The following LIMK2 variants were observed in gnomAD, a reference collection of about 807,000 sequenced individuals.
LIMK2 encodes the protein LIM domain kinase 2.
In LIMK2, 35 loss-of-function variants were observed where a neutral mutation model predicts 75.7. The observed-to-expected ratio is 0.46, with a 90% CI of 0.35 to 0.61. The LOEUF (loss-of-function observed/expected upper bound fraction) is 0.61, where lower values mean the gene tolerates loss of function less well. Ranked by LOEUF, LIMK2 falls within the 20% of genes least tolerant of loss-of-function variation. The pLI, the probability that LIMK2 is intolerant of heterozygous loss-of-function variation, is 0.00. For missense variants in LIMK2, 623 were observed against 831.0 expected, an observed-to-expected ratio of 0.75 and a Z score of 3.08; for synonymous variants, 301 against 319.2, an observed-to-expected ratio of 0.94 and a Z score of 0.61.
Position 31,262,074 on chromosome 22 carries a change from G to T in LIMK2, c.552-60G>T. The T allele has an allele frequency of 7.2e-7, 1 of 1,393,492 alleles. No individual in the cohort carries two copies. Among genetic ancestry groups the T allele is most frequent in the Non-Finnish European group, 1.0e-6 (1 of 979,660 alleles). The allele number at this position is 1,393,492 out of a possible 1,614,324, so 86.3% of individuals were successfully genotyped here. On this transcript the variant is annotated intron_variant, in intron 5 of 15. Coordinates refer to ENST00000331728, the MANE Select transcript of LIMK2 (RefSeq NM_005569.4). This position sits in a 1 kb window ranked among gnomAD's most constrained non-coding sequence, Gnocchi z 5.0. ...CTGGTAAACCTTCCCTGCACAAGCA[G>T]AATTGGTCAAGCAGGTTTTTAGGAC...
intron 14 of LIMK2, among the ~76,000 whole-genome samples, chr22:31,273,864 A>T (rs2048984344): frequency 1.3e-5 from 2 of 151,972 alleles, no homozygotes; most frequent in African/African-American, 4.8e-5. Flanking sequence ...TGCCCGGCTA[A>T]TTTTTGTATT....
intron 11 of LIMK2, 111 bp from the exon 12 acceptor site, chr22:31,271,025 T>G: frequency 1.1e-6 from 1 of 949,712 alleles, no homozygotes; most frequent in Non-Finnish European, 1.7e-6. Flanking sequence ...GGTTGGGTTC[T>G]GAAGCTGGGT....
rs151244816 is a variant in LIMK2 at position 31,262,723 on chromosome 22, C to T, written c.786C>T (p.His262=). The change falls in exon 7 of 16, where the codon CAC becomes CAT. Residue 262 remains histidine, a synonymous_variant. Transcript: ENST00000331728. This position sits in a 1 kb window ranked among gnomAD's most constrained non-coding sequence, Gnocchi z 5.0. ...RLAPHMQNAG[H]PHALSTLDTK... Reference sequence around the variant, plus strand: ...CTCCTCACATGCAGAATGCCGGACACCCCCACGCCCTCAGCACCCTGGACA... The same window carrying T: ...CTCCTCACATGCAGAATGCCGGACATCCCCACGCCCTCAGCACCCTGGACA... 2.4e-5 allele frequency: 39 copies of T among 1,614,162 alleles called. No individual in the cohort carries two copies. Among genetic ancestry groups the T allele is most frequent in the Non-Finnish European group, 3.2e-5 (38 of 1,180,018 alleles).
chr22:31,268,083 G>T lies in LIMK2; in HGVS notation c.1261-61G>T, dbSNP rs534492524. 15 of 1,562,082 alleles carry T rather than the reference G, an allele frequency of 9.6e-6. No individual in the cohort carries two copies. In the African/African-American group the frequency reaches 1.8e-4, roughly 18 times the overall value. On this transcript the variant is annotated intron_variant, in intron 10 of 15. Coordinates refer to ENST00000331728, the MANE Select transcript of LIMK2 (RefSeq NM_005569.4). ...ACTGGGAGACCACATTGACCCATGG[G>T]GCCTGGACCACGAGTGGGACAGGGC...
At chr22:31,274,642 C>T (rs5753534) in intron 14 of LIMK2, among the ~76,000 whole-genome samples, 1 of 152,126 alleles carries the variant, frequency 6.6e-6, no homozygotes, top group African/African-American at 2.4e-5. Flanking sequence ...CTCAGGTGAT[C>T]CACCCGCTTC....
At position 31,243,163 on chromosome 22, in the gene LIMK2, C is replaced by T. The variant is rs1159285549; in HGVS notation, c.117-15128C>T. On this transcript the variant is annotated intron_variant, in intron 2 of 15. Transcript: ENST00000331728. ...TCACGAACACTTGACCTCAAGTGAT[C>T]TGCCTGCCTCAGCCTCCCAAAGTGC... Among the ~76,000 whole-genome samples the T allele has an allele frequency of 2.6e-5, 4 of 152,290 alleles. No individual in the cohort carries two copies. In the East Asian group the frequency reaches 5.8e-4, roughly 22 times the overall value.
chr22:31,248,465 C>T lies in LIMK2; in HGVS notation c.117-9826C>T, dbSNP rs1272482690. ...GTCGTTTTCTCGGAGTCCAGAGGGG[C>T]CGCCTGAGCTTCTGAGAACTAGGGA... On this transcript the variant is annotated intron_variant, in intron 2 of 15. Transcript: ENST00000331728. 2.7e-6 allele frequency: 4 copies of T among 1,495,494 alleles called. No homozygotes were observed. The Admixed American group carries it at 8.0e-5, about 30-fold the overall frequency. The allele number at this position is 1,495,494 out of a possible 1,614,324, so 92.6% of individuals were successfully genotyped here. A position where few individuals can be genotyped will look rare whatever the true frequency, so the allele number is the denominator to read the frequency against.
chr22:31,218,327 A>G (rs570810456), intron 1 of LIMK2, among the ~76,000 whole-genome samples: 62 of 152,318 alleles, frequency 4.1e-4, no homozygotes, highest in African/African-American at 1.4e-3. Context: ...AAATTTTTCC[A>G]AATAAACCAA....
At position 31,219,025 on chromosome 22, in the gene LIMK2, A is replaced by G. The variant is rs553010077; in HGVS notation, c.16+6601A>G. 3.9e-5 allele frequency among the ~76,000 whole-genome samples: 6 copies of G among 152,340 alleles called. No individual in the cohort carries two copies. The South Asian group carries it at 1.2e-3, about 32-fold the overall frequency. On this transcript the variant is annotated intron_variant, in intron 1 of 15. Coordinates refer to ENST00000331728, the MANE Select transcript of LIMK2 (RefSeq NM_005569.4). ...CTCTTAGACCAAATTTAAGGTGAAC[A>G]TTGTGGGGACTGCATTGGCTCTGAG...
chr22:31,242,615 G>A (rs1004679690), intron 2 of LIMK2, among the ~76,000 whole-genome samples: 2 of 152,050 alleles, frequency 1.3e-5, no homozygotes, highest in Admixed American at 1.3e-4. Context: ...CATATGTCTT[G>A]GGCTTCCAAT....
chr22:31,257,040 A>ATTTTTTTTTTTTTTTTTTTTTTTTT (rs529919320), intron 2 of LIMK2, among the ~76,000 whole-genome samples: 3 of 75,078 alleles, frequency 4.0e-5, no homozygotes, highest in Non-Finnish European at 8.9e-5. Context: ...GGAGCTATAG[A>ATTTTTTTTTTTTTTTTTTTTTTTTT]TTTTTTTTTT....
intron 2 of LIMK2, among the ~76,000 whole-genome samples, chr22:31,256,719 G>A (rs1248621895): frequency 6.6e-6 from 1 of 152,178 alleles, no homozygotes; most frequent in African/African-American, 2.4e-5. Flanking sequence ...CTAGGCCAGA[G>A]AAGTAAAATA....
chr22:31,222,860 T>G (rs1368254160), intron 1 of LIMK2: 1 of 151,982 alleles, frequency 6.6e-6, no homozygotes, highest in Admixed American at 6.6e-5. Context: ...GTACCAGAGG[T>G]TTTTTTGATG....
intron 2 of LIMK2, among the ~76,000 whole-genome samples, chr22:31,256,077 C>T (rs1272302953): frequency 7.3e-6 from 1 of 136,728 alleles, no homozygotes; most frequent in Admixed American, 8.3e-5. Flanking sequence ...TGGGTCACCA[C>T]AACCTCCGCT....
At chr22:31,248,767 T>C in intron 2 of LIMK2, 1 of 1,614,192 alleles carries the variant, frequency 6.2e-7, no homozygotes, top group Non-Finnish European at 8.5e-7. Context: ...GAGACCTGTT[T>C]CGGTGAGTTG....
At chr22:31,265,792 G>A (rs1345440704) in intron 7 of LIMK2, among the ~76,000 whole-genome samples, 154 bp from the exon 8 acceptor site, 1 of 152,154 alleles carries the variant, frequency 6.6e-6, no homozygotes, top group Non-Finnish European at 1.5e-5. Flanking sequence ...ACCCCAAAAT[G>A]ATACATCTGA....
At chr22:31,230,457 G>A (rs1255707507) in intron 2 of LIMK2, among the ~76,000 whole-genome samples, 1 of 152,178 alleles carries the variant, frequency 6.6e-6, no homozygotes, top group African/African-American at 2.4e-5. Flanking sequence ...GGCTTAGGAG[G>A]AGGGAAGAAA....
At chr22:31,236,140 A>G (rs955974972) in intron 2 of LIMK2, among the ~76,000 whole-genome samples, 1 of 151,940 alleles carries the variant, frequency 6.6e-6, no homozygotes, top group Admixed American at 6.6e-5. Context: ...ACAAAAATAC[A>G]AAAATTAGCC....
At chr22:31,277,855 T>G (rs529935271) in intron 15 of LIMK2, among the ~76,000 whole-genome samples, 1 of 152,230 alleles carries the variant, frequency 6.6e-6, no homozygotes, top group African/African-American at 2.4e-5. Context: ...GGGTACCAGT[T>G]GCAATTTTAA....
Sources: gnomAD v4.1 joint callset for allele counts (sites outside exome capture counted in the v4.1 genomes callset) on GRCh38, gnomAD v4.1.1 for gene constraint, Gnocchi (gnomAD v3.1) non-coding constraint, MANE v1.5 for transcripts, NCBI Gene and HGNC (gene_info 2026-07-23, HGNC 2026-07-21) for gene names.